ERI1: variants seen among roughly 807,000 people sequenced by gnomAD.
The protein encoded by ERI1 is 3'-5' exoribonuclease 1.
A neutral mutation model predicts 39.7 loss-of-function variants in ERI1; 39 were observed. That is an observed-to-expected ratio of 0.98 (90% CI 0.76 to 1.28). ERI1 has a LOEUF of 1.28. Ranked by LOEUF, ERI1 falls within the 50% of genes most tolerant of loss-of-function variation. ERI1 has a pLI of 0.00. For synonymous variants in ERI1, 204 were observed against 149.6 expected, an observed-to-expected ratio of 1.36 and a Z score of -2.65; for missense variants, 581 against 416.9, an observed-to-expected ratio of 1.39 and a Z score of -3.43.
chr8:9,010,570 G>GT (rs1375435313), intron 2 of ERI1, among the ~76,000 whole-genome samples: 4 of 151,748 alleles, frequency 2.6e-5, no homozygotes, highest in East Asian at 3.9e-4. Context: ...GACTAAAAAG[G>GT]TTTTTTTTAA....
intron 3 of ERI1, among the ~76,000 whole-genome samples, chr8:9,093,594 A>G (rs555444655): frequency 6.6e-6 from 1 of 152,080 alleles, no homozygotes; most frequent in African/African-American, 2.4e-5. Context: ...TTGAGACGGA[A>G]TCTCACTCTG....
intron 3 of ERI1, among the ~76,000 whole-genome samples, chr8:9,081,470 TA>T (rs1799362573): frequency 6.6e-6 from 1 of 152,212 alleles, no homozygotes. Context: ...ATTATTTTTT[TA>T]AAGTGGATGC....
At chr8:9,058,685 T>C (rs549548206) in intron 3 of ERI1, among the ~76,000 whole-genome samples, 1 of 152,348 alleles carries the variant, frequency 6.6e-6, no homozygotes, top group African/African-American at 2.4e-5. Flanking sequence ...TTGGCAACCA[T>C]GTGTGGATCT....
chr8:9,028,835 G>A (rs1008616078), intron 6 of ERI1, among the ~76,000 whole-genome samples: 4 of 152,112 alleles, frequency 2.6e-5, no homozygotes, highest in Admixed American at 6.5e-5. Flanking sequence ...TGTTGGCCAG[G>A]CTGGTCTTGA....
chr8:9,015,729 AAAAAAAAAAAAAG>A (rs1305067178), intron 3 of ERI1, among the ~76,000 whole-genome samples: 2 of 150,756 alleles, frequency 1.3e-5, no homozygotes, highest in Non-Finnish European at 3.0e-5. Flanking sequence ...CTCCAAAAAA[AAAAAAAAAAAAAG>A]AGACCATCGT....
intron 3 of ERI1, among the ~76,000 whole-genome samples, chr8:9,043,065 C>G (rs1332469511): frequency 6.6e-6 from 1 of 152,222 alleles, no homozygotes; most frequent in Non-Finnish European, 1.5e-5. Context: ...ACTCTTACGT[C>G]TAAGGGCATC....
Position 9,003,138 on chromosome 8 carries a change from G to C in ERI1, c.75G>C (p.Glu25Asp). 1 of 1,245,004 alleles carries C rather than the reference G, an allele frequency of 8.0e-7. No homozygotes were observed. Among genetic ancestry groups the C allele is most frequent in the Non-Finnish European group, 1.0e-6 (1 of 990,390 alleles). 77.1% of individuals were successfully genotyped at this position (1,245,004 alleles called of 1,614,324 possible). A position where few individuals can be genotyped will look rare whatever the true frequency, so the allele number is the denominator to read the frequency against. Residue 25 changes from glutamate to aspartate, a missense_variant, in exon 1 of 7, where the codon GAG (glutamate) becomes GAC (aspartate). Transcript: ENST00000250263. ...ALALLESPRP[E>D]GGEEPPRPSP... ...CGCTGCTGGAGTCGCCGCGGCCGGAGGGCGGGGAGGAGCCGCCGCGTCCCA... is the reference window on the plus strand; with the variant it reads ...CGCTGCTGGAGTCGCCGCGGCCGGACGGCGGGGAGGAGCCGCCGCGTCCCA...
intron 3 of ERI1, among the ~76,000 whole-genome samples, chr8:9,054,694 G>T (rs1585265496): frequency 6.6e-6 from 1 of 152,258 alleles, no homozygotes; most frequent in Non-Finnish European, 1.5e-5. Flanking sequence ...GGAGGCCAAG[G>T]GGGGCAGATC....
chr8:9,007,020 C>G (rs1338728273), intron 1 of ERI1, among the ~76,000 whole-genome samples: 1 of 152,066 alleles, frequency 6.6e-6, no homozygotes, highest in Non-Finnish European at 1.5e-5. Context: ...ATAATTAGTA[C>G]TAAATATTTT....
chr8:9,087,253 A>C (rs1336436999), intron 3 of ERI1, among the ~76,000 whole-genome samples: 1 of 149,894 alleles, frequency 6.7e-6, no homozygotes, highest in African/African-American at 2.4e-5. Flanking sequence ...TTTATTATTT[A>C]TTTATTTTTG....
At chr8:9,056,612 C>T (rs541245264) in intron 3 of ERI1, among the ~76,000 whole-genome samples, 4 of 150,934 alleles carry the variant, frequency 2.7e-5, no homozygotes, top group East Asian at 4.0e-4. Context: ...GAAATAACTT[C>T]GCGAAGGGCT....
At chr8:9,006,557 A>C (rs1262631736) in intron 1 of ERI1, among the ~76,000 whole-genome samples, 1 of 152,248 alleles carries the variant, frequency 6.6e-6, no homozygotes, top group Non-Finnish European at 1.5e-5. Flanking sequence ...ATGAAGTTTC[A>C]AATTCAATGT....
chr8:9,021,264 C>A (rs1478329136), intron 6 of ERI1, among the ~76,000 whole-genome samples: 1 of 152,100 alleles, frequency 6.6e-6, no homozygotes, highest in Non-Finnish European at 1.5e-5. Context: ...CTCAGGTAGT[C>A]TGTCAGGTTT....
chr8:9,050,051 C>T (rs528614531), intron 3 of ERI1, among the ~76,000 whole-genome samples: 4 of 152,130 alleles, frequency 2.6e-5, no homozygotes, highest in Admixed American at 1.3e-4. Context: ...GTTTAACCTT[C>T]GGCTCCCTGG....
intron 3 of ERI1, among the ~76,000 whole-genome samples, chr8:9,062,210 T>A (rs1465275834): frequency 6.6e-6 from 1 of 151,902 alleles, no homozygotes; most frequent in Non-Finnish European, 1.5e-5. Flanking sequence ...TAAGGGTGAT[T>A]AAGTTTTAAT....
chr8:9,009,067 A>C, intron 2 of ERI1: 1 of 456,242 alleles, frequency 2.2e-6, no homozygotes, highest in Non-Finnish European at 4.4e-6. Context: ...TTTCCGAGCA[A>C]AATTTTTGTC....
chr8:9,038,636 A>C (rs944294972), intron 3 of ERI1, among the ~76,000 whole-genome samples: 2 of 152,178 alleles, frequency 1.3e-5, no homozygotes, highest in Non-Finnish European at 2.9e-5. Flanking sequence ...ACAAGCCTGT[A>C]GTCCCATCTA....
intron 3 of ERI1, among the ~76,000 whole-genome samples, chr8:9,058,657 G>T (rs1019999675): frequency 6.6e-6 from 1 of 152,026 alleles, no homozygotes; most frequent in Non-Finnish European, 1.5e-5. Flanking sequence ...AATTGAATTG[G>T]CATAGGTATT....
chr8:9,082,323 G>A (rs773362116), intron 3 of ERI1, among the ~76,000 whole-genome samples: 13 of 152,158 alleles, frequency 8.5e-5, no homozygotes, highest in Non-Finnish European at 1.6e-4. Flanking sequence ...TCCTTCCTCT[G>A]GCTCACGTCC....
Sources: allele counts gnomAD v4.1 joint callset (sites outside exome capture counted in the v4.1 genomes callset), GRCh38; gene constraint gnomAD v4.1.1; transcripts MANE v1.5; gene names NCBI Gene and HGNC (gene_info 2026-07-23, HGNC 2026-07-21).